Variants in SPAG9 observed in about 807,000 individuals in gnomAD.
The protein encoded by SPAG9 is C-Jun-amino-terminal kinase-interacting protein 4.
In SPAG9, 35 loss-of-function variants were observed where a neutral mutation model predicts 166.5. The ratio of observed to expected loss-of-function variants is 0.21; its 90% CI spans 0.16 to 0.28. The LOEUF is 0.28. Ranked by LOEUF, SPAG9 falls within the 10% of genes least tolerant of loss-of-function variation. The pLI, the probability that SPAG9 is intolerant of heterozygous loss-of-function variation, is 1.00. For missense variants in SPAG9, 1,235 were observed against 1,603.3 expected (o/e 0.77, Z 3.92); for synonymous variants, 534 against 565.5 (o/e 0.94, Z 0.79).
intron 21 of SPAG9, among the ~76,000 whole-genome samples, chr17:50,988,877 T>G (rs1975290759): frequency 6.6e-6 from 1 of 152,168 alleles, no homozygotes; most frequent in Non-Finnish European, 1.5e-5. Context: ...ATAAAATATT[T>G]GCATGAAAAC....
intron 1 of SPAG9, among the ~76,000 whole-genome samples, chr17:51,096,811 G>A (rs2048662205): frequency 6.6e-6 from 1 of 152,210 alleles, no homozygotes; most frequent in Non-Finnish European, 1.5e-5. Context: ...GTGATATCGT[G>A]AAATACGTAT....
At chr17:51,065,919 T>C (rs1412240229) in intron 2 of SPAG9, among the ~76,000 whole-genome samples, 3 of 152,212 alleles carry the variant, frequency 2.0e-5, no homozygotes, top group Non-Finnish European at 4.4e-5. Context: ...GCCACCCACT[T>C]ATCTGAAACA....
At chr17:50,987,679 T>G (rs942318030) in intron 21 of SPAG9, among the ~76,000 whole-genome samples, 1 of 152,222 alleles carries the variant, frequency 6.6e-6, no homozygotes, top group Non-Finnish European at 1.5e-5. Context: ...CAGTTAATAT[T>G]CAGACAATTA....
chr17:51,027,766 A>C (rs2046240757), intron 6 of SPAG9, among the ~76,000 whole-genome samples: 1 of 152,210 alleles, frequency 6.6e-6, no homozygotes, highest in African/African-American at 2.4e-5. Flanking sequence ...CAATTATGTC[A>C]CTGGTTTATG....
rs1272929942 is a variant in SPAG9 at position 51,001,785 on chromosome 17, T to A, written c.1537A>T (p.Met513Leu). 1 of 1,613,640 alleles carries A rather than the reference T, an allele frequency of 6.2e-7. No individual in the cohort carries two copies. The highest frequency in any genetic ancestry group is 1.7e-5 in the Admixed American group (1 of 59,970). Residue 513 changes from methionine to leucine, a missense_variant, in exon 13 of 30, where the codon ATG becomes TTG. By Grantham distance (15) the Met-to-Leu change is conservative. This residue lies in a region of SPAG9 where 125 missense variants were observed against 194.0 expected (regional missense o/e 0.64). Coordinates refer to ENST00000262013, the MANE Select transcript of SPAG9 (RefSeq NM_001130528.3). Reference protein sequence around the residue: ...FTRVEMARVLMERNQYKERLM... With the variant: ...FTRVEMARVLLERNQYKERLM... ...CTCTCTTTATACTGGTTTCGCTCCA[T>A]GAGAACACGGGCCATTTCTACTCTA...
intron 7 of SPAG9, among the ~76,000 whole-genome samples, chr17:51,020,717 G>A (rs1280717976): frequency 1.3e-5 from 2 of 152,138 alleles, no homozygotes; most frequent in Non-Finnish European, 2.9e-5. Flanking sequence ...ACAATTAAGT[G>A]CAGTCTTATC....
intron 2 of SPAG9, among the ~76,000 whole-genome samples, chr17:51,063,465 T>C (rs917527600): frequency 3.3e-5 from 5 of 152,138 alleles, no homozygotes; most frequent in Admixed American, 6.6e-5. Flanking sequence ...CGCTAAGTTT[T>C]TGATACAAAA....
chr17:51,110,525 A>G (rs1205943943), intron 1 of SPAG9, among the ~76,000 whole-genome samples: 2 of 151,740 alleles, frequency 1.3e-5, no homozygotes, highest in African/African-American at 4.8e-5. Context: ...ACCCGTCTTT[A>G]CAAAATATCA....
chr17:51,049,320 T>TCCCC (rs2047116583), intron 3 of SPAG9, among the ~76,000 whole-genome samples: 2 of 151,150 alleles, frequency 1.3e-5, no homozygotes, highest in Non-Finnish European at 2.9e-5. Flanking sequence ...TGAGCTATGA[T>TCCCC]CATGCCACTG....
In SPAG9 at chr17:50,998,503, G is replaced by A. The variant is rs2044777273; in HGVS notation, c.1779C>T (p.Ser593=). Residue 593 remains serine (S), a synonymous_variant, in exon 15 of 30, where the codon AGC becomes AGT. Transcript: ENST00000262013. ...SHVTPSVKKR[S]STLSQLPGDK... The stretch of plus-strand genomic sequence containing the variant: ...CCCCAGGGAGCTGAGATAAGGTGCT[G>A]CTTCTTTTCTTGACGGACGGAGTAA... 3 of 1,614,158 alleles carry A rather than the reference G, an allele frequency of 1.9e-6. No homozygotes were observed. The highest frequency in any genetic ancestry group is 1.3e-5 in the African/African-American group (1 of 75,046).
chr17:51,037,295 A>T (rs1396798994), intron 5 of SPAG9, among the ~76,000 whole-genome samples: 1 of 152,042 alleles, frequency 6.6e-6, no homozygotes, highest in Admixed American at 6.6e-5. Context: ...GTAGAGACAG[A>T]GTCGCTTGAC....
chr17:51,002,223 C>T (rs1597962362), intron 12 of SPAG9, among the ~76,000 whole-genome samples: 2 of 152,052 alleles, frequency 1.3e-5, no homozygotes, highest in East Asian at 3.9e-4. Context: ...CGTTATGTTG[C>T]CCAGGCTCAT....
At chr17:51,077,070 C>G (rs1247244257) in intron 2 of SPAG9, among the ~76,000 whole-genome samples, 1 of 119,352 alleles carries the variant, frequency 8.4e-6, no homozygotes, top group Non-Finnish European at 1.8e-5. Context: ...ATCTAGCTAG[C>G]TATCTAGCTA....
chr17:51,116,818 C>T (rs762748931), intron 1 of SPAG9, among the ~76,000 whole-genome samples: 1 of 152,188 alleles, frequency 6.6e-6, no homozygotes, highest in Non-Finnish European at 1.5e-5. Context: ...AATAGGTTCA[C>T]AGGGCTTATT....
At chr17:50,983,028 C>G (rs568683882) in intron 24 of SPAG9, among the ~76,000 whole-genome samples, 1 of 152,162 alleles carries the variant, frequency 6.6e-6, no homozygotes, top group Admixed American at 6.5e-5. Context: ...CTCTCAGTCA[C>G]GTGCATTTTG....
chr17:51,041,621 G>A lies in SPAG9; in HGVS notation c.621C>T (p.Phe207=), dbSNP rs770241536. Residue 207 remains phenylalanine, a synonymous_variant, in exon 5 of 30, where the codon TTC becomes TTT. Coordinates refer to ENST00000262013, the MANE Select transcript of SPAG9 (RefSeq NM_001130528.3). Reference sequence around the variant, plus strand: ...GCAATCCATCTCCAGCAGGTAATGGGAAAATTCCTAATGATATAGGGCGTT... The same window carrying A: ...GCAATCCATCTCCAGCAGGTAATGGAAAAATTCCTAATGATATAGGGCGTT... ...RKERPISLGI[F]PLPAGDGLLT... The A allele has an allele frequency of 1.9e-6, 3 of 1,613,920 alleles. No homozygotes were observed. Among genetic ancestry groups the A allele is most frequent in the African/African-American group, 1.3e-5 (1 of 75,024 alleles).
At chr17:50,967,537 T>C (rs1335228709) in intron 29 of SPAG9, among the ~76,000 whole-genome samples, 1 of 152,184 alleles carries the variant, frequency 6.6e-6, no homozygotes, top group East Asian at 1.9e-4. Flanking sequence ...AACTGAAACA[T>C]ACCCAGGTGG....
Position 50,982,669 on chromosome 17 carries a change from C to T in SPAG9, c.3092G>A (p.Gly1031Glu), listed in dbSNP as rs367802252. ...GTGATAGTTTGACAAATCCCACTGC[C>T]CATCTTTAAAAAAAATAAAAGGTTA... ...TLAIFHRGVDGQWDLSNYHLL... is the reference protein window; with the variant it reads ...TLAIFHRGVDEQWDLSNYHLL... The change falls in exon 25 of 30, where the codon GGG becomes GAG. Residue 1031 changes from glycine to glutamate, a missense_variant. Transcript: ENST00000262013. 9 of 1,598,064 alleles carry T rather than the reference C, an allele frequency of 5.6e-6. No individual in the cohort carries two copies. The African/African-American group carries it at 1.1e-4, about 19-fold the overall frequency.
chr17:51,015,981 CATT>C (rs2045681218), intron 8 of SPAG9, among the ~76,000 whole-genome samples: 1 of 151,958 alleles, frequency 6.6e-6, no homozygotes, highest in Admixed American at 6.6e-5. Context: ...AGCACAGTAT[CATT>C]AATTTTTAAA....
Sources: gnomAD v4.1 joint callset for allele counts (sites outside exome capture counted in the v4.1 genomes callset) on GRCh38, gnomAD v4.1.1 for gene constraint, gnomAD v4.1.1 regional missense constraint, MANE v1.5 for transcripts, NCBI Gene and HGNC (gene_info 2026-07-23, HGNC 2026-07-21) for gene names.